The following CDKN2AIPNL variants were observed in gnomAD, a reference collection of about 807,000 sequenced individuals.
CDKN2AIPNL encodes CDKN2AIP N-terminal-like protein.
Under a neutral mutation model 12.9 loss-of-function variants are expected in CDKN2AIPNL, and 9 were observed. That is an observed-to-expected ratio of 0.70 (90% confidence interval 0.42 to 1.22). The LOEUF is 1.22. Among genes scored for constraint, CDKN2AIPNL ranks in the 50% most tolerant of loss-of-function variants. The pLI is 0.00. For synonymous variants in CDKN2AIPNL, 53 were observed against 61.7 expected, an observed-to-expected ratio of 0.86 and a Z score of 0.66; for missense variants, 143 against 153.6, an observed-to-expected ratio of 0.93 and a Z score of 0.37.
rs2149696536 is a variant in CDKN2AIPNL, at chr5:134,402,572, C to CT, written c.*342dup. 1 of 220,176 alleles carries CT rather than the reference C, an allele frequency of 4.5e-6. No homozygotes were observed. Among genetic ancestry groups the CT allele is most frequent in the East Asian group, 9.5e-5 (1 of 10,564 alleles). 13.6% of individuals were successfully genotyped at this position (220,176 alleles called of 1,614,324 possible). A position where few individuals can be genotyped will look rare whatever the true frequency, so the allele number is the denominator to read the frequency against. On this transcript the variant is annotated 3_prime_UTR_variant, in exon 3 of 3. Transcript: ENST00000458198. The stretch of plus-strand genomic sequence containing the variant: ...AGTTCGAGGCTGCAATGAGCCAATA[C>CT]TGCACCTTTGTGCTTCTGCCTGGGC...
At chr5:134,403,053 AATT>A in intron 2 of CDKN2AIPNL, 127 bp from the exon 3 acceptor site, 1 of 646,774 alleles carries the variant, frequency 1.5e-6, no homozygotes, top group Non-Finnish European at 2.4e-6. Flanking sequence ...TATACTCAGA[AATT>A]ATTAATATTT....
chr5:134,404,707 T>C (rs996373532), intron 2 of CDKN2AIPNL, among the ~76,000 whole-genome samples: 1 of 152,032 alleles, frequency 6.6e-6, no homozygotes, highest in Non-Finnish European at 1.5e-5. Flanking sequence ...GAGCGGCAGC[T>C]CTAGTACCTC....
chr5:134,409,320 C>T lies in CDKN2AIPNL; in HGVS notation c.339+583G>A, dbSNP rs547807705. ...AGGTGATTCTGAAAAGTATTAATAG[C>T]TGGGATGCCCAGCTCCATATTCTGA... On this transcript the variant is annotated intron_variant, in intron 2 of 2. Coordinates refer to ENST00000458198, the MANE Select transcript of CDKN2AIPNL (RefSeq NM_080656.3). Among the ~76,000 whole-genome samples the T allele has an allele frequency of 5.9e-5, 9 of 152,268 alleles. No homozygotes were observed. The South Asian group carries it at 1.9e-3, about 32-fold the overall frequency.
In CDKN2AIPNL at chr5:134,409,886, T is replaced by C; in HGVS notation, c.339+17A>G. On this transcript the variant is annotated intron_variant, in intron 2 of 2. Transcript: ENST00000458198. ...CTCTACACCATTTCATCACATGCACTTGGAAATCCTATTTACCTTTTTCAT... is the reference window on the plus strand; with the variant it reads ...CTCTACACCATTTCATCACATGCACCTGGAAATCCTATTTACCTTTTTCAT... 1 of 1,538,200 alleles carries C rather than the reference T, an allele frequency of 6.5e-7. No individual in the cohort carries two copies. The highest frequency in any genetic ancestry group is 1.1e-5 in the South Asian group (1 of 89,152).
chr5:134,411,625 A>G lies in CDKN2AIPNL; in HGVS notation c.230T>C (p.Leu77Pro). Residue 77 changes from leucine to proline, a missense_variant, in exon 1 of 3, where the codon CTA becomes CCA. Around this residue, in one of 3 missense-constraint regions of CDKN2AIPNL, gnomAD observed 111 missense variants for 111.4 expected, o/e 1.00. Coordinates refer to ENST00000458198, the MANE Select transcript of CDKN2AIPNL (RefSeq NM_080656.3). Reference protein sequence around the residue: ...LSMVWANHLFLGCSYNKDLLD... With the variant: ...LSMVWANHLFPGCSYNKDLLD... Reference sequence around the variant, plus strand: ...CGGCAGGGGTCCGCACCTGCAGCCTAGGAAGAGATGGTTGGCCCAGACCAT... The same window carrying G: ...CGGCAGGGGTCCGCACCTGCAGCCTGGGAAGAGATGGTTGGCCCAGACCAT... 1.9e-6 allele frequency: 3 copies of G among 1,612,114 alleles called. No individual in the cohort carries two copies. The highest frequency in any genetic ancestry group is 2.5e-6 in the Non-Finnish European group (3 of 1,179,442).
intron 2 of CDKN2AIPNL, among the ~76,000 whole-genome samples, chr5:134,409,032 C>T (rs1411432731): frequency 6.6e-6 from 1 of 152,146 alleles, no homozygotes; most frequent in Non-Finnish European, 1.5e-5. Context: ...ACCTATGTTT[C>T]TAAGGGCAGA....
intron 1 of CDKN2AIPNL, among the ~76,000 whole-genome samples, chr5:134,410,267 C>T (rs1202063517): frequency 6.6e-6 from 1 of 152,156 alleles, no homozygotes; most frequent in East Asian, 1.9e-4. Context: ...TCCCGAGTAG[C>T]TGGGATTACA....
At position 134,410,897 on chromosome 5, in the gene CDKN2AIPNL, T is replaced by C; in HGVS notation, c.239+719A>G. On this transcript the variant is annotated intron_variant, in intron 1 of 2. Transcript: ENST00000458198. ...AGCTCTCTAATAGGGAGTCTCAAGA[T>C]TTGCCACCTTCCTCATGGAGGGGTG... 4.7e-6 allele frequency: 3 copies of C among 640,772 alleles called. No individual in the cohort carries two copies. The South Asian group carries it at 5.2e-5, about 11-fold the overall frequency. 39.7% of individuals were successfully genotyped at this position (640,772 alleles called of 1,614,324 possible). A position where few individuals can be genotyped will look rare whatever the true frequency, so the allele number is the denominator to read the frequency against.
chr5:134,409,021 T>C (rs1225212851), intron 2 of CDKN2AIPNL, among the ~76,000 whole-genome samples: 1 of 152,176 alleles, frequency 6.6e-6, no homozygotes, highest in African/African-American at 2.4e-5. Flanking sequence ...GGAATGGGCT[T>C]ACCTATGTTT....
At position 134,402,820 on chromosome 5, in the gene CDKN2AIPNL, G is replaced by A. The variant is rs778570709; in HGVS notation, c.*95C>T. 2 of 1,056,802 alleles carry A rather than the reference G, an allele frequency of 1.9e-6. No individual in the cohort carries two copies. Among genetic ancestry groups the A allele is most frequent in the Non-Finnish European group, 2.8e-6 (2 of 708,326 alleles). The allele number at this position is 1,056,802 out of a possible 1,614,324, so 65.5% of individuals were successfully genotyped here. On this transcript the variant is annotated 3_prime_UTR_variant, in exon 3 of 3. Transcript: ENST00000458198. ...TGCCTCTTTATGTTGGTAATACCAG[G>A]AGTCTTAAGAGAGCTGCTGTGGTCT...
At chr5:134,403,201 A>AT (rs1759055419) in intron 2 of CDKN2AIPNL, among the ~76,000 whole-genome samples, 1 of 152,246 alleles carries the variant, frequency 6.6e-6, no homozygotes, top group Non-Finnish European at 1.5e-5. Context: ...CTTAAAATAC[A>AT]ACTTTTTCTG....
chr5:134,402,959 C>A (rs1187896714), intron 2 of CDKN2AIPNL, 33 bp from the exon 3 acceptor site: 4 of 1,587,296 alleles, frequency 2.5e-6, no homozygotes, highest in Non-Finnish European at 3.4e-6. Context: ...GGTTACATAA[C>A]CATGTAGTCC....
At chr5:134,406,118 T>G (rs1420549436) in intron 2 of CDKN2AIPNL, among the ~76,000 whole-genome samples, 1 of 152,216 alleles carries the variant, frequency 6.6e-6, no homozygotes, top group African/African-American at 2.4e-5. Flanking sequence ...AATGCTCATT[T>G]CTTTTCTCAG....
intron 1 of CDKN2AIPNL, chr5:134,410,630 C>T (rs1015356482): frequency 5.2e-5 from 10 of 191,730 alleles, no homozygotes; most frequent in Admixed American, 4.3e-4. Context: ...AATTCTCTGA[C>T]ATTTGCCTAA....
Position 134,402,720 on chromosome 5 carries a change from C to G in CDKN2AIPNL, c.*195G>C. On this transcript the variant is annotated 3_prime_UTR_variant, in exon 3 of 3. Coordinates refer to ENST00000458198, the MANE Select transcript of CDKN2AIPNL (RefSeq NM_080656.3). ...ATAAATACATAAATATCCATGCATA[C>G]TTTTACAGTGATAACTCCTGGGAAA... 1 of 470,866 alleles carries G rather than the reference C, an allele frequency of 2.1e-6. No individual in the cohort carries two copies. Among genetic ancestry groups the G allele is most frequent in the Non-Finnish European group, 3.8e-6 (1 of 265,766 alleles). The allele number at this position is 470,866 out of a possible 1,614,324, so 29.2% of individuals were successfully genotyped here.
At chr5:134,404,200 G>A (rs559738041) in intron 2 of CDKN2AIPNL, among the ~76,000 whole-genome samples, 1 of 152,288 alleles carries the variant, frequency 6.6e-6, no homozygotes, top group South Asian at 2.1e-4. Context: ...AGACTGGTCT[G>A]TGGGATCAGA....
chr5:134,409,917 C>T lies in CDKN2AIPNL; in HGVS notation c.325G>A (p.Glu109Lys), dbSNP rs1554116041. ...EDLPQFTTRS[E>K]LMKKHQS Reference sequence around the variant, plus strand: ...ATCCTATTTACCTTTTTCATTAATTCACTTCTGGTAGTAAATTGTGGCAGG... The same window carrying T: ...ATCCTATTTACCTTTTTCATTAATTTACTTCTGGTAGTAAATTGTGGCAGG... Residue 109 changes from glutamate (E) to lysine (K), a missense_variant, in exon 2 of 3, where the codon GAA (glutamate) becomes AAA (lysine). This residue lies in a region of CDKN2AIPNL where 111 missense variants were observed against 111.4 expected (regional missense o/e 1.00). Transcript: ENST00000458198. The T allele has an allele frequency of 6.2e-7, 1 of 1,607,696 alleles. No homozygotes were observed. The highest frequency in any genetic ancestry group is 8.5e-7 in the Non-Finnish European group (1 of 1,176,274).
intron 2 of CDKN2AIPNL, among the ~76,000 whole-genome samples, chr5:134,405,207 G>A (rs1377299609): frequency 3.3e-5 from 5 of 150,162 alleles, no homozygotes; most frequent in African/African-American, 9.8e-5. Context: ...CCAGGTTCAC[G>A]CCATTCTCCT....
chr5:134,402,370 G>A lies in CDKN2AIPNL; in HGVS notation c.*545C>T, dbSNP rs190614657. On this transcript the variant is annotated 3_prime_UTR_variant, in exon 3 of 3. Transcript: ENST00000458198. Reference sequence around the variant, plus strand: ...TCACCTCGGCCTCCCAAAGTGCTGGGATTATTATGGGCATAAGCCACTGTG... The same window carrying A: ...TCACCTCGGCCTCCCAAAGTGCTGGAATTATTATGGGCATAAGCCACTGTG... The A allele has an allele frequency of 2.0e-5, 3 of 152,256 alleles. No individual in the cohort carries two copies. The highest frequency in any genetic ancestry group is 2.0e-4 in the Admixed American group (3 of 15,276). The allele number at this position is 152,256 out of a possible 1,614,324, so 9.4% of individuals were successfully genotyped here. A position where few individuals can be genotyped will look rare whatever the true frequency, so the allele number is the denominator to read the frequency against.
Sources: allele counts gnomAD v4.1 joint callset (sites outside exome capture counted in the v4.1 genomes callset), GRCh38; gene constraint gnomAD v4.1.1; regional missense constraint gnomAD v4.1.1; transcripts MANE v1.5; gene names NCBI Gene and HGNC (gene_info 2026-07-23, HGNC 2026-07-21).